The following ZNF718 variants were observed in gnomAD, a reference collection of about 807,000 sequenced individuals.
ZNF718 encodes the protein zinc finger protein 718.
Under a neutral mutation model 2.6 loss-of-function variants are expected in ZNF718, and 3 were observed. The observed-to-expected ratio is 1.16, with a 90% CI of 0.53 to 3.01. The LOEUF is 3.01. Among genes scored for constraint, ZNF718 ranks in the 30% most tolerant of loss-of-function variants. The pLI is 0.03. For missense variants in ZNF718, 468 were observed against 230.0 expected (o/e 2.03, Z -6.69); for synonymous variants, 135 against 77.9 (o/e 1.73, Z -3.86).
chr4:155,040 G>A (rs1560118702), intron 3 of ZNF718, among the ~76,000 whole-genome samples: 1 of 152,344 alleles, frequency 6.6e-6, no homozygotes, highest in South Asian at 2.1e-4. Flanking sequence ...TGGCTTCAGA[G>A]GGTCCAAGCC....
At chr4:135,961 T>G (rs1214494641) in intron 3 of ZNF718, among the ~76,000 whole-genome samples, 6 of 151,908 alleles carry the variant, frequency 3.9e-5, no homozygotes, top group African/African-American at 1.5e-4. Context: ...TAACAATGAT[T>G]ATAATTTCTG....
intron 3 of ZNF718, among the ~76,000 whole-genome samples, chr4:178,918 C>A (rs1207424212): frequency 6.6e-6 from 1 of 152,044 alleles, no homozygotes; most frequent in African/African-American, 2.4e-5. Flanking sequence ...ATTTTTTATT[C>A]TTTTCTTGTT....
chr4:167,483 C>T (rs1468610524), downstream of ZNF718, among the ~76,000 whole-genome samples: 6 of 152,110 alleles, frequency 3.9e-5, no homozygotes, highest in Admixed American at 6.6e-5. Context: ...TACCCATGAG[C>T]GTGGAATGTT....
chr4:136,533 C>A (rs1257937218), intron 3 of ZNF718: 7 of 511,440 alleles, frequency 1.4e-5, no homozygotes, highest in Non-Finnish European at 2.8e-5. Context: ...TCTATGGGCT[C>A]TTGAGTTGGC....
chr4:145,998 A>G (rs1160659141), intron 3 of ZNF718, among the ~76,000 whole-genome samples: 5 of 151,848 alleles, frequency 3.3e-5, no homozygotes, highest in Middle Eastern at 3.4e-3. Context: ...TACTGAAGCT[A>G]TATGTGTTTT....
chr4:164,993 C>A (rs1405295425), downstream of ZNF718, among the ~76,000 whole-genome samples: 1 of 152,156 alleles, frequency 6.6e-6, no homozygotes, highest in Non-Finnish European at 1.5e-5. Context: ...AAGAGGACAT[C>A]TGTTCCCAGG....
At chr4:151,631 C>T (rs547672173) in intron 3 of ZNF718, among the ~76,000 whole-genome samples, 5 of 152,022 alleles carry the variant, frequency 3.3e-5, no homozygotes, top group Admixed American at 1.3e-4. Flanking sequence ...CAGGTGCCCA[C>T]CATCATGCCG....
At chr4:143,590 A>G (rs1553810628) in intron 3 of ZNF718, among the ~76,000 whole-genome samples, 1 of 152,224 alleles carries the variant, frequency 6.6e-6, no homozygotes, top group East Asian at 1.9e-4. Flanking sequence ...TTGTGCCAAG[A>G]CTTTAAGGAA....
rs368199323 is a variant in ZNF718, at chr4:161,566, G to A, written c.881G>A (p.Trp294Ter). 4.9e-5 allele frequency: 38 copies of A among 780,510 alleles called. No homozygotes were observed. Among genetic ancestry groups the A allele is most frequent in the Non-Finnish European group, 9.1e-5 (38 of 418,012 alleles). The allele number at this position is 780,510 out of a possible 1,614,324, so 48.3% of individuals were successfully genotyped here. ...GAAGAATGTGGTAAAGCCTTTAAGT[G>A]GTCCTCATCCCTTAATGAACATAAG... ...KCEECGKAFKWSSSLNEHKRI... is the reference protein window; with the variant it reads ...KCEECGKAFK The change falls in exon 4 of 4, where the codon TGG (tryptophan) becomes TAG (stop). Residue 294 changes from tryptophan (W) to a stop codon, truncating the protein, a stop_gained. Transcript: ENST00000510175. LOFTEE classifies it low-confidence loss of function (END_TRUNC).
At chr4:132,320 T>C (rs1715370329) in intron 3 of ZNF718, among the ~76,000 whole-genome samples, 1 of 103,760 alleles carries the variant, frequency 9.6e-6, no homozygotes, top group African/African-American at 3.4e-5. Context: ...TTCTCTCCCA[T>C]GCTCTTAAAT....
downstream of ZNF718, among the ~76,000 whole-genome samples, chr4:169,022 G>T (rs1291291275): frequency 6.6e-6 from 1 of 152,100 alleles, no homozygotes; most frequent in Admixed American, 6.5e-5. Context: ...ACACTGCTTT[G>T]AATGTGTCCC....
chr4:196,281 G>T (rs1372152577), intron 3 of ZNF718, among the ~76,000 whole-genome samples: 2 of 152,178 alleles, frequency 1.3e-5, no homozygotes, highest in South Asian at 4.1e-4. Flanking sequence ...TGGGGCCCTG[G>T]CAAGGGTGGT....
At chr4:155,877 C>T (rs13122818) in intron 3 of ZNF718, among the ~76,000 whole-genome samples, 4,441 of 152,154 alleles carry the variant, frequency 0.029, 110 homozygotes, top group Middle Eastern at 0.061. Context: ...AATTATAGCT[C>T]CCATAATTCC....
chr4:159,412 GTTATC>G (rs1340758788), intron 3 of ZNF718, among the ~76,000 whole-genome samples: 4 of 151,664 alleles, frequency 2.6e-5, no homozygotes, highest in Non-Finnish European at 5.9e-5. Flanking sequence ...AGATTCACTG[GTTATC>G]TTATAAGACC....
chr4:152,415 C>T (rs543397155), intron 3 of ZNF718, among the ~76,000 whole-genome samples: 7 of 118,382 alleles, frequency 5.9e-5, no homozygotes, highest in South Asian at 7.0e-4. Flanking sequence ...TGCGGCCTTC[C>T]GCAGTTTTTG....
intron 3 of ZNF718, among the ~76,000 whole-genome samples, chr4:147,633 G>A (rs1171792998): frequency 6.6e-6 from 1 of 152,196 alleles, no homozygotes; most frequent in Non-Finnish European, 1.5e-5. Flanking sequence ...GGAGGCCAAG[G>A]CAGGTGAATT....
intron 3 of ZNF718, among the ~76,000 whole-genome samples, chr4:187,773 T>C (rs1717598292): frequency 6.6e-6 from 1 of 151,274 alleles, no homozygotes; most frequent in South Asian, 2.1e-4. Context: ...AGAGCAACTG[T>C]ACTGTGTTGG....
At chr4:194,102 T>C (rs1230117722) in intron 3 of ZNF718, among the ~76,000 whole-genome samples, 1 of 152,184 alleles carries the variant, frequency 6.6e-6, no homozygotes, top group Admixed American at 6.5e-5. Context: ...TCTTGATCTC[T>C]ATTATAAAAA....
Position 148,899 on chromosome 4 carries a change from G to A in ZNF718, c.227-12013G>A, listed in dbSNP as rs947548484. ...AATGATCTATAGCTATGTTTACAGTGAGAATTATTCATATTTCATTCGGTA... is the reference window on the plus strand; with the variant it reads ...AATGATCTATAGCTATGTTTACAGTAAGAATTATTCATATTTCATTCGGTA... On this transcript the variant is annotated intron_variant, in intron 3 of 3. Transcript: ENST00000510175. Among the ~76,000 whole-genome samples the A allele has an allele frequency of 3.3e-5, 5 of 152,142 alleles. No homozygotes were observed. The South Asian group carries it at 1.0e-3, about 31-fold the overall frequency.
Sources: gnomAD v4.1 joint callset for allele counts (sites outside exome capture counted in the v4.1 genomes callset) on GRCh38, gnomAD v4.1.1 for gene constraint, MANE v1.5 for transcripts, NCBI Gene and HGNC (gene_info 2026-07-23, HGNC 2026-07-21) for gene names.